The following NPY1R variants were observed in gnomAD, a reference collection of about 807,000 sequenced individuals.
The protein encoded by NPY1R is neuropeptide Y receptor Y1.
In NPY1R, 10 loss-of-function variants were observed where a neutral mutation model predicts 24.1. That is an observed-to-expected ratio of 0.42 (90% CI 0.26 to 0.71). The LOEUF is 0.71. Among genes scored for constraint, NPY1R ranks in the 30% least tolerant of loss-of-function variants. The probability of loss-of-function intolerance (pLI) is 0.28; values close to 1 mark genes in which losing one functional copy is unlikely to be tolerated. For synonymous variants in NPY1R, 168 were observed against 165.9 expected, an observed-to-expected ratio of 1.01 and a Z score of -0.10; for missense variants, 350 against 458.0, an observed-to-expected ratio of 0.76 and a Z score of 2.15.
At chr4:163,330,840 C>CA (rs1279813370) in intron 1 of NPY1R, 1 of 152,232 alleles carries the variant, frequency 6.6e-6, no homozygotes, top group African/African-American at 2.4e-5. Context: ...TAACCTGCTG[C>CA]AGATACATTT....
chr4:163,337,362 G>A (rs1390244051), upstream of NPY1R, among the ~76,000 whole-genome samples: 1 of 152,150 alleles, frequency 6.6e-6, no homozygotes, highest in Non-Finnish European at 1.5e-5. Flanking sequence ...TCTCCTTTTA[G>A]AAGCTATTTT....
chr4:163,341,795 G>A (rs1456218577), intron 1 of NPY1R, among the ~76,000 whole-genome samples: 1 of 152,070 alleles, frequency 6.6e-6, no homozygotes, highest in East Asian at 1.9e-4. Flanking sequence ...ATTCCCCTTC[G>A]CTAAGATGTT....
chr4:163,343,018 A>ACACACGCG (rs1735042934), intron 1 of NPY1R, among the ~76,000 whole-genome samples: 1 of 134,984 alleles, frequency 7.4e-6, no homozygotes, highest in African/African-American at 3.0e-5. Flanking sequence ...ACACACACAC[A>ACACACGCG]CGCGCGCGCG....
At position 163,326,716 on chromosome 4, in the gene NPY1R, A is replaced by G. The variant is rs1734618397; in HGVS notation, c.-151-11T>C. Reference sequence around the variant, plus strand: ...CTTGAACTGAACAATCTGTAAAGAGAAAATGACCAATTGCATTACTAATTT... The same window carrying G: ...CTTGAACTGAACAATCTGTAAAGAGGAAATGACCAATTGCATTACTAATTT... On this transcript the variant is annotated splice_polypyrimidine_tract_variant and intron_variant, in intron 1 of 2. Coordinates refer to ENST00000296533, the MANE Select transcript of NPY1R (RefSeq NM_000909.6). The G allele has an allele frequency of 1.9e-6, 1 of 520,050 alleles. No individual in the cohort carries two copies. The highest frequency in any genetic ancestry group is 3.4e-5 in the South Asian group (1 of 29,104). The allele number at this position is 520,050 out of a possible 1,614,324, so 32.2% of individuals were successfully genotyped here. A position where few individuals can be genotyped will look rare whatever the true frequency, so the allele number is the denominator to read the frequency against.
chr4:163,329,587 C>T (rs964586771), intron 1 of NPY1R, among the ~76,000 whole-genome samples: 6 of 149,792 alleles, frequency 4.0e-5, no homozygotes, highest in African/African-American at 1.5e-4. Flanking sequence ...GGTGACAGAG[C>T]AAGACTCCGT....
intron 1 of NPY1R, among the ~76,000 whole-genome samples, chr4:163,327,763 C>T (rs1361818593): frequency 1.3e-5 from 2 of 152,136 alleles, no homozygotes; most frequent in Non-Finnish European, 2.9e-5. Context: ...CTCTTATTAA[C>T]AACACAAATC....
At chr4:163,328,502 T>G (rs148306757) in intron 1 of NPY1R, among the ~76,000 whole-genome samples, 2 of 152,236 alleles carry the variant, frequency 1.3e-5, no homozygotes, top group Non-Finnish European at 2.9e-5. Context: ...CCTTCATTAT[T>G]TGAAGTAAAA....
At chr4:163,334,699 A>C (rs1289709427), upstream of NPY1R, among the ~76,000 whole-genome samples, 1 of 152,082 alleles carries the variant, frequency 6.6e-6, no homozygotes, top group African/African-American at 2.4e-5. Flanking sequence ...GTCTCTACTA[A>C]AAATACAAAA....
intron 1 of NPY1R, among the ~76,000 whole-genome samples, chr4:163,343,509 CCAAA>C (rs1735065918): frequency 6.6e-6 from 1 of 151,826 alleles, no homozygotes; most frequent in Non-Finnish European, 1.5e-5. Context: ...GTCCCCCACC[CCAAA>C]CAAAGATAAA....
At chr4:163,338,509 T>A (rs1734899271) in intron 1 of NPY1R, among the ~76,000 whole-genome samples, 4 of 152,000 alleles carry the variant, frequency 2.6e-5, no homozygotes, top group Admixed American at 2.6e-4. Context: ...TCCTCTCTAC[T>A]TTCCCCTTCT....
chr4:163,335,494 T>C (rs960988258), upstream of NPY1R, among the ~76,000 whole-genome samples: 3 of 152,330 alleles, frequency 2.0e-5, no homozygotes, highest in Non-Finnish European at 4.4e-5. Context: ...ACTAGTCTTC[T>C]GAGGAATTTC....
chr4:163,331,936 C>G (rs1024762041), intron 1 of NPY1R, among the ~76,000 whole-genome samples: 10 of 152,162 alleles, frequency 6.6e-5, no homozygotes, highest in Admixed American at 2.6e-4. Flanking sequence ...CGCTGGGGTC[C>G]GCGCCGAGGG....
At chr4:163,330,613 G>A (rs1734704737) in intron 1 of NPY1R, 1 of 152,212 alleles carries the variant, frequency 6.6e-6, no homozygotes, top group Non-Finnish European at 1.5e-5. Flanking sequence ...AATAAGCTAT[G>A]CAACTGCAGA....
At chr4:163,340,698 T>G (rs539425920) in intron 1 of NPY1R, among the ~76,000 whole-genome samples, 7 of 152,168 alleles carry the variant, frequency 4.6e-5, no homozygotes, top group Non-Finnish European at 8.8e-5. Flanking sequence ...AAAAATCAAG[T>G]GCCTATCTAA....
chr4:163,330,860 C>T (rs1198904924), intron 1 of NPY1R: 2 of 152,200 alleles, frequency 1.3e-5, no homozygotes, highest in African/African-American at 4.8e-5. Context: ...TTTTCAAATA[C>T]TCAGGATTGG....
intron 1 of NPY1R, among the ~76,000 whole-genome samples, chr4:163,342,517 G>T (rs1052924395): frequency 3.9e-5 from 6 of 152,188 alleles, no homozygotes; most frequent in African/African-American, 1.4e-4. Context: ...TGCCTGCTCA[G>T]ACGGCCTATT....
upstream of NPY1R, among the ~76,000 whole-genome samples, chr4:163,334,643 T>C (rs569728249): frequency 3.3e-5 from 5 of 152,160 alleles, no homozygotes; most frequent in East Asian, 3.9e-4. Context: ...AGGTGGATCA[T>C]GAGGTCAGGA....
At chr4:163,336,955 C>G (rs1453067217), upstream of NPY1R, among the ~76,000 whole-genome samples, 2 of 151,552 alleles carry the variant, frequency 1.3e-5, no homozygotes, top group African/African-American at 4.8e-5. Context: ...AGTGATACTG[C>G]ATCTCTAAAT....
Position 163,326,364 on chromosome 4 carries a change from A to C in NPY1R, c.191T>G (p.Ile64Ser). 1 of 1,614,126 alleles carries C rather than the reference A, an allele frequency of 6.2e-7. No individual in the cohort carries two copies. The highest frequency in any genetic ancestry group is 1.3e-5 in the African/African-American group (1 of 75,050). The change falls in exon 2 of 3, where the codon ATC becomes AGC. Residue 64 changes from isoleucine to serine, a missense_variant. Transcript: ENST00000296533. ...GVSGNLALII[I>S]ILKQKEMRNV... is the part of the protein sequence containing the mutation. ...TCTCATCTCCTTTTGTTTCAAGATG[A>C]TTATGATCAAGGCCAGGTTTCCAGA...
Sources: gnomAD v4.1 joint callset for allele counts (sites outside exome capture counted in the v4.1 genomes callset) on GRCh38, gnomAD v4.1.1 for gene constraint, MANE v1.5 for transcripts, NCBI Gene and HGNC (gene_info 2026-07-23, HGNC 2026-07-21) for gene names.